The following MINDY4 variants were observed in gnomAD, a reference collection of about 807,000 sequenced individuals.
The protein encoded by MINDY4 is probable ubiquitin carboxyl-terminal hydrolase MINDY-4.
MINDY4 carries 68 observed loss-of-function variants against 87.0 expected under a neutral mutation model. The observed-to-expected ratio is 0.78, with a 90% CI of 0.64 to 0.96. MINDY4 has a LOEUF of 0.96. MINDY4 is among the 40% of genes least tolerant of loss of function. The pLI is 0.00. For synonymous variants in MINDY4, 379 were observed against 363.2 expected, an observed-to-expected ratio of 1.04 and a Z score of -0.50; for missense variants, 919 against 928.2, an observed-to-expected ratio of 0.99 and a Z score of 0.13.
chr7:30,836,520 G>A (rs1044526960), intron 6 of MINDY4, 138 bp from the exon 7 acceptor site: 3 of 707,748 alleles, frequency 4.2e-6, no homozygotes, highest in Non-Finnish European at 7.4e-6. Flanking sequence ...CAGAGCTGGG[G>A]TGAATGAATG....
intron 4 of MINDY4, among the ~76,000 whole-genome samples, chr7:30,787,414 G>C (rs539880463): frequency 6.6e-6 from 1 of 152,344 alleles, no homozygotes; most frequent in African/African-American, 2.4e-5. Context: ...CTTGTGGGAG[G>C]TTGGCAGAAT....
At chr7:30,793,869 C>T (rs929595588) in intron 5 of MINDY4, among the ~76,000 whole-genome samples, 3 of 152,176 alleles carry the variant, frequency 2.0e-5, no homozygotes, top group Admixed American at 2.0e-4. Context: ...CCAGGTGGGC[C>T]AGACCAGCAG....
At chr7:30,851,063 G>T (rs189348045) in intron 10 of MINDY4, among the ~76,000 whole-genome samples, 14 of 152,276 alleles carry the variant, frequency 9.2e-5, no homozygotes, top group African/African-American at 3.4e-4. Flanking sequence ...ATCCTGACCC[G>T]CATCGTCTCT....
At chr7:30,835,046 G>T (rs1030253028) in intron 6 of MINDY4, among the ~76,000 whole-genome samples, 3 of 152,214 alleles carry the variant, frequency 2.0e-5, no homozygotes, top group South Asian at 4.1e-4. Flanking sequence ...CTGTTACTCA[G>T]TTTCAAAGTC....
chr7:30,876,874 C>T (rs990807875), intron 15 of MINDY4, among the ~76,000 whole-genome samples: 3 of 152,062 alleles, frequency 2.0e-5, no homozygotes, highest in South Asian at 2.1e-4. Flanking sequence ...TAGCGCCAGG[C>T]GATTCCACCC....
intron 3 of MINDY4, among the ~76,000 whole-genome samples, chr7:30,784,888 G>A (rs1012246246): frequency 2.0e-5 from 3 of 152,174 alleles, no homozygotes; most frequent in Non-Finnish European, 4.4e-5. Context: ...CTTGGCATAG[G>A]GTAGGGGGCA....
At chr7:30,890,462 A>G (rs1486392511) in intron 17 of MINDY4, among the ~76,000 whole-genome samples, 2 of 152,250 alleles carry the variant, frequency 1.3e-5, no homozygotes, top group Non-Finnish European at 2.9e-5. Flanking sequence ...AAACCTTTCT[A>G]TAGGAGCAAG....
At chr7:30,833,726 C>T (rs1414122365) in intron 6 of MINDY4, among the ~76,000 whole-genome samples, 2 of 152,234 alleles carry the variant, frequency 1.3e-5, no homozygotes, top group Non-Finnish European at 2.9e-5. Flanking sequence ...AAATCAAAAG[C>T]AAGTTAGTTA....
chr7:30,866,394 C>T (rs1562559914), intron 13 of MINDY4, among the ~76,000 whole-genome samples: 1 of 152,212 alleles, frequency 6.6e-6, no homozygotes, highest in Non-Finnish European at 1.5e-5. Flanking sequence ...CCTCTTCCAG[C>T]TCCTGGAAGC....
At chr7:30,786,168 G>A (rs1040869206) in intron 4 of MINDY4, 176 bp downstream of exon 4, 13 of 807,950 alleles carry the variant, frequency 1.6e-5, no homozygotes, top group African/African-American at 8.6e-5. Context: ...TCAATGACAC[G>A]TGGGGCCTTG....
At chr7:30,806,135 A>G (rs1029934710) in intron 5 of MINDY4, among the ~76,000 whole-genome samples, 4 of 152,340 alleles carry the variant, frequency 2.6e-5, no homozygotes, top group South Asian at 2.1e-4. Context: ...ATTTATTCCA[A>G]TTAAGCAAAG....
At chr7:30,868,239 C>A (rs1478843957) in intron 13 of MINDY4, among the ~76,000 whole-genome samples, 3 of 152,158 alleles carry the variant, frequency 2.0e-5, no homozygotes, top group African/African-American at 4.8e-5. Context: ...GCTGACCTGG[C>A]TGATCATCCC....
chr7:30,816,787 A>G (rs1214508071), intron 5 of MINDY4, among the ~76,000 whole-genome samples: 1 of 152,232 alleles, frequency 6.6e-6, no homozygotes. Flanking sequence ...TTGTTTTCAC[A>G]GGATTCCAAG....
intron 3 of MINDY4, among the ~76,000 whole-genome samples, chr7:30,782,550 A>C (rs1445328030): frequency 6.6e-6 from 1 of 152,050 alleles, no homozygotes; most frequent in African/African-American, 2.4e-5. Flanking sequence ...ACAACAACAA[A>C]AAATTAGCTA....
At chr7:30,813,778 A>C (rs1788075509) in intron 5 of MINDY4, among the ~76,000 whole-genome samples, 1 of 152,202 alleles carries the variant, frequency 6.6e-6, no homozygotes. Context: ...TAATGCTCAA[A>C]ATTTGCAAAG....
intron 15 of MINDY4, among the ~76,000 whole-genome samples, chr7:30,880,311 C>T (rs1017869320): frequency 1.3e-5 from 2 of 149,362 alleles, no homozygotes; most frequent in South Asian, 2.2e-4. Context: ...CACCCCCCCC[C>T]ACCCCCGACT....
At chr7:30,882,793 G>T in intron 16 of MINDY4, 128 bp from the exon 17 acceptor site, 1 of 759,540 alleles carries the variant, frequency 1.3e-6, no homozygotes, top group Non-Finnish European at 2.3e-6. Context: ...GATGAGGGTG[G>T]GTCCAGTTGA....
At chr7:30,776,639 A>G (rs1330975032) in intron 1 of MINDY4, among the ~76,000 whole-genome samples, 1 of 152,220 alleles carries the variant, frequency 6.6e-6, no homozygotes, top group African/African-American at 2.4e-5. Context: ...CGTTTCACAG[A>G]TAGGGAAACT....
At chr7:30,793,051 CT>C (rs534398261) in intron 5 of MINDY4, among the ~76,000 whole-genome samples, 10,242 of 131,814 alleles carry the variant, frequency 0.078, 474 homozygotes, top group Middle Eastern at 0.13. Flanking sequence ...ATCGTGGTTT[CT>C]TTTTTTTTTT....
Sources: allele counts gnomAD v4.1 joint callset (sites outside exome capture counted in the v4.1 genomes callset), GRCh38; gene constraint gnomAD v4.1.1; transcripts MANE v1.5; gene names NCBI Gene and HGNC (gene_info 2026-07-23, HGNC 2026-07-21).